Variants in TRIM47 observed in about 807,000 individuals in gnomAD.
TRIM47 encodes E3 ubiquitin-protein ligase TRIM47.
TRIM47 carries 46 observed loss-of-function variants against 54.4 expected under a neutral mutation model. The observed-to-expected ratio is 0.84, with a 90% confidence interval of 0.67 to 1.08. The LOEUF is 1.08. Ranked by LOEUF, TRIM47 falls within the 50% of genes least tolerant of loss-of-function variation. The probability of loss-of-function intolerance (pLI) is 0.00; values close to 1 mark genes in which losing one functional copy is unlikely to be tolerated. For missense variants in TRIM47, 825 were observed against 910.1 expected, an observed-to-expected ratio of 0.91 and a Z score of 1.20; for synonymous variants, 392 against 410.2, an observed-to-expected ratio of 0.96 and a Z score of 0.54.
intron 1 of TRIM47, chr17:75,877,387 C>T: frequency 6.0e-6 from 1 of 167,172 alleles, no homozygotes. Context: ...GAGGTAGAGG[C>T]CGCGGCTCAC....
chr17:75,876,968 C>T, intron 1 of TRIM47, 155 bp from the exon 2 acceptor site: 1 of 699,464 alleles, frequency 1.4e-6, no homozygotes, highest in East Asian at 2.7e-5. Context: ...CATAATATGC[C>T]AGAGGTGCCT....
Position 75,875,317 on chromosome 17 carries a change from T to C in TRIM47, c.1276+83A>G. 1 of 1,483,100 alleles carries C rather than the reference T, an allele frequency of 6.7e-7. No homozygotes were observed. Among genetic ancestry groups the C allele is most frequent in the Non-Finnish European group, 9.4e-7 (1 of 1,064,570 alleles). The allele number at this position is 1,483,100 out of a possible 1,614,324, so 91.9% of individuals were successfully genotyped here. A position where few individuals can be genotyped will look rare whatever the true frequency, so the allele number is the denominator to read the frequency against. On this transcript the variant is annotated intron_variant, in intron 5 of 5. Transcript: ENST00000254816. The surrounding 1 kb of genome is among the most constrained non-coding windows in gnomAD (Gnocchi z 6.1). ...AACTGGGGAGAGGAATCCTAACCCT[T>C]GTGTGCCAGGGCCCTGCTGGGACCA... is the stretch of plus-strand genomic sequence containing the variant.
intron 1 of TRIM47, 104 bp from the exon 2 acceptor site, chr17:75,876,917 G>T: frequency 9.0e-7 from 1 of 1,106,192 alleles, no homozygotes; most frequent in Non-Finnish European, 1.3e-6. Context: ...CTGGGGAGTG[G>T]TATCTGTGCA....
In TRIM47 at chr17:75,875,041, C is replaced by T. The variant is rs747531803; in HGVS notation, c.1359G>A (p.Leu453=). 6.2e-7 allele frequency: 1 copy of T among 1,613,870 alleles called. No homozygotes were observed. The highest frequency in any genetic ancestry group is 1.1e-5 in the South Asian group (1 of 91,078). Reference sequence around the variant, plus strand: ...GCGACAAGGGGTAGTTGATAGGACACAGCACCCTCTTGACACCTTTGGTTC... The same window carrying T: ...GCGACAAGGGGTAGTTGATAGGACATAGCACCCTCTTGACACCTTTGGTTC... ...LFGTKGVKRV[L]CPINYPLSPT... is the part of the protein sequence containing the mutation. Residue 453 remains leucine (L), a synonymous_variant, in exon 6 of 6, where the codon CTG becomes CTA. Coordinates refer to ENST00000254816, the MANE Select transcript of TRIM47 (RefSeq NM_033452.3). The surrounding 1 kb of genome is among the most constrained non-coding windows in gnomAD (Gnocchi z 6.1).
rs1015270154 is a variant in TRIM47, at chr17:75,874,659, G to A, written c.1741C>T (p.Arg581Cys). The A allele has an allele frequency of 3.1e-6, 5 of 1,594,254 alleles. No individual in the cohort carries two copies. The highest frequency in any genetic ancestry group is 1.1e-5 in the South Asian group (1 of 89,554). ...LLRRLKASRP[R>C]RGGIPASPID... ...GGGGAGGCCGGGATGCCACCCCGGCGGGGCCGGGAGGCCTTCAGCCTCCGC... is the reference window on the plus strand; with the variant it reads ...GGGGAGGCCGGGATGCCACCCCGGCAGGGCCGGGAGGCCTTCAGCCTCCGC... Residue 581 changes from arginine (R) to cysteine (C), a missense_variant, in exon 6 of 6, where the codon CGC becomes TGC. By Grantham distance (180) the Arg-to-Cys change is radical. Transcript: ENST00000254816. This position sits in a 1 kb window ranked among gnomAD's most constrained non-coding sequence, Gnocchi z 6.2.
chr17:75,877,422 A>C, intron 1 of TRIM47: 7 of 168,176 alleles, frequency 4.2e-5, no homozygotes, highest in South Asian at 2.0e-4. Context: ...GGCCCCCGGA[A>C]CAGCTGGACA....
chr17:75,876,547 T>A lies in TRIM47; in HGVS notation c.772-55A>T, dbSNP rs2065136356. 5.3e-6 allele frequency: 8 copies of A among 1,519,766 alleles called. No homozygotes were observed. In the South Asian group the frequency reaches 9.9e-5, roughly 19 times the overall value. The allele number at this position is 1,519,766 out of a possible 1,614,324, so 94.1% of individuals were successfully genotyped here. On this transcript the variant is annotated intron_variant, in intron 2 of 5. Coordinates refer to ENST00000254816, the MANE Select transcript of TRIM47 (RefSeq NM_033452.3). The stretch of plus-strand genomic sequence containing the variant: ...GAGGGCAAAGAACCGTCCCGGACTG[T>A]ACCCCCCTCCTTCCCTGACCCCGGC...
In TRIM47 at chr17:75,875,589, G is replaced by C. The variant is rs2065128563; in HGVS notation, c.1202-115C>G. On this transcript the variant is annotated intron_variant, in intron 4 of 5. Coordinates refer to ENST00000254816, the MANE Select transcript of TRIM47 (RefSeq NM_033452.3). The surrounding 1 kb of genome is among the most constrained non-coding windows in gnomAD (Gnocchi z 6.1). ...AGAGTCCAGAGCCACCAGGGAGCAA[G>C]CACCACCCAGATGTGGCACGCTGTG... 1.3e-5 allele frequency: 12 copies of C among 945,334 alleles called. No homozygotes were observed. The highest frequency in any genetic ancestry group is 1.3e-5 in the Non-Finnish European group (8 of 595,784). The allele number at this position is 945,334 out of a possible 1,614,324, so 58.6% of individuals were successfully genotyped here. A position where few individuals can be genotyped will look rare whatever the true frequency, so the allele number is the denominator to read the frequency against.
chr17:75,874,592 C>T lies in TRIM47; in HGVS notation c.1808G>A (p.Gly603Glu). The T allele has an allele frequency of 6.5e-7, 1 of 1,548,104 alleles. No individual in the cohort carries two copies. Among genetic ancestry groups the T allele is most frequent in the Non-Finnish European group, 8.7e-7 (1 of 1,148,436 alleles). The stretch of plus-strand genomic sequence containing the variant: ...AGGCTTGAGTCTGTGGGTGAAGAGC[C>T]CCGCAAAGTGACTGTCCAGGCGGCT... ...FQSRLDSHFAGLFTHRLKPAF... is the reference protein window; with the variant it reads ...FQSRLDSHFAELFTHRLKPAF... The change falls in exon 6 of 6, where the codon GGG becomes GAG. Residue 603 changes from glycine (G) to glutamate (E), a missense_variant. Gly to Glu is a moderately conservative substitution (Grantham distance 98). Transcript: ENST00000254816. This position sits in a 1 kb window ranked among gnomAD's most constrained non-coding sequence, Gnocchi z 6.2.
rs567457667 is a variant in TRIM47 at position 75,878,025 on chromosome 17, C to A, written c.524G>T (p.Arg175Leu). 3.1e-5 allele frequency: 44 copies of A among 1,434,632 alleles called. No homozygotes were observed. In the East Asian group the frequency reaches 1.3e-3, roughly 41 times the overall value. 88.9% of individuals were successfully genotyped at this position (1,434,632 alleles called of 1,614,324 possible). Reference sequence around the variant, plus strand: ...CGGGCACAGGCTCTCCTCTAGCCGGCGCAGCGGCGGCACCAGGCGGTGTCC... The same window carrying A: ...CGGGCACAGGCTCTCCTCTAGCCGGAGCAGCGGCGGCACCAGGCGGTGTCC... ...LRGHRLVPPL[R>L]RLEESLCPRH... Residue 175 changes from arginine (R) to leucine (L), a missense_variant, in exon 1 of 6, where the codon CGC (arginine) becomes CTC (leucine). By Grantham distance (102) the Arg-to-Leu change is moderately radical (BLOSUM62 -2). Coordinates refer to ENST00000254816, the MANE Select transcript of TRIM47 (RefSeq NM_033452.3).
At position 75,874,747 on chromosome 17, in the gene TRIM47, GCAGACCCCAA is replaced by G; in HGVS notation, c.1643_1652del (p.Val548AlafsTer19). 6.2e-7 allele frequency: 1 copy of G among 1,614,040 alleles called. No individual in the cohort carries two copies. Among genetic ancestry groups the G allele is most frequent in the Non-Finnish European group, 8.5e-7 (1 of 1,180,014 alleles). On this transcript the variant is annotated frameshift_variant, in exon 6 of 6. Coordinates refer to ENST00000254816, the MANE Select transcript of TRIM47 (RefSeq NM_033452.3). LOFTEE classifies it high-confidence loss of function. The surrounding 1 kb of genome is among the most constrained non-coding windows in gnomAD (Gnocchi z 6.2). ...CCAAGGCACGGTCAGCGTATTCCAG[GCAGACCCCAA>G]CCGTGGGCGAGAAGGGGTGGGGCAG...
At chr17:75,876,601 G>A in intron 2 of TRIM47, 109 bp from the exon 3 acceptor site, 1 of 1,509,378 alleles carries the variant, frequency 6.6e-7, no homozygotes, top group Non-Finnish European at 9.0e-7. Context: ...AGGGGACAGA[G>A]GGGCCAGACT....
rs2143969658 is a variant in TRIM47, at chr17:75,875,659, T to C, written c.1202-185A>G. On this transcript the variant is annotated intron_variant, in intron 4 of 5. Coordinates refer to ENST00000254816, the MANE Select transcript of TRIM47 (RefSeq NM_033452.3). The surrounding 1 kb of genome is among the most constrained non-coding windows in gnomAD (Gnocchi z 6.1). ...CCTGTGTTCTGCCTCTTGCCCCATG[T>C]GCTTCCCGGGCCACAGCCCTCTGGA... 1 of 716,492 alleles carries C rather than the reference T, an allele frequency of 1.4e-6. No homozygotes were observed. The highest frequency in any genetic ancestry group is 1.7e-5 in the South Asian group (1 of 57,990). 44.4% of individuals were successfully genotyped at this position (716,492 alleles called of 1,614,324 possible). A position where few individuals can be genotyped will look rare whatever the true frequency, so the allele number is the denominator to read the frequency against.
In TRIM47 at chr17:75,874,253, T is replaced by A. The variant is rs1314980182; in HGVS notation, c.*230A>T. 9.7e-6 allele frequency: 4 copies of A among 414,458 alleles called. No homozygotes were observed. The highest frequency in any genetic ancestry group is 1.7e-5 in the Non-Finnish European group (4 of 235,570). The allele number at this position is 414,458 out of a possible 1,614,324, so 25.7% of individuals were successfully genotyped here. Reference sequence around the variant, plus strand: ...AGGAGGGGTTAGGGTAGCTTGGAGCTGTCCCAGCTGTAGCTCTGTCTCCCA... The same window carrying A: ...AGGAGGGGTTAGGGTAGCTTGGAGCAGTCCCAGCTGTAGCTCTGTCTCCCA... On this transcript the variant is annotated 3_prime_UTR_variant, in exon 6 of 6. Coordinates refer to ENST00000254816, the MANE Select transcript of TRIM47 (RefSeq NM_033452.3). The surrounding 1 kb of genome is among the most constrained non-coding windows in gnomAD (Gnocchi z 6.2).
chr17:75,877,977 C>G lies in TRIM47; in HGVS notation c.572G>C (p.Arg191Pro). 1 of 1,463,322 alleles carries G rather than the reference C, an allele frequency of 6.8e-7. No individual in the cohort carries two copies. The highest frequency in any genetic ancestry group is 1.5e-5 in the African/African-American group (1 of 68,092). 90.6% of individuals were successfully genotyped at this position (1,463,322 alleles called of 1,614,324 possible). A position where few individuals can be genotyped will look rare whatever the true frequency, so the allele number is the denominator to read the frequency against. Residue 191 changes from arginine to proline, a missense_variant, in exon 1 of 6, where the codon CGC (arginine) becomes CCC (proline). Arg to Pro is a moderately radical substitution (Grantham distance 103, BLOSUM62 -2). Transcript: ENST00000254816. ...ACACACGCGCTCCGCGCGGCAGTAGCGCTCGAGCGGCCGTAGGTGGCGCGG... is the reference window on the plus strand; with the variant it reads ...ACACACGCGCTCCGCGCGGCAGTAGGGCTCGAGCGGCCGTAGGTGGCGCGG... ...LCPRHLRPLE[R>P]YCRAERVCLC...
At position 75,874,796 on chromosome 17, in the gene TRIM47, C is replaced by T. The variant is rs1191328036; in HGVS notation, c.1604G>A (p.Gly535Glu). 6.2e-7 allele frequency: 1 copy of T among 1,613,992 alleles called. No individual in the cohort carries two copies. The highest frequency in any genetic ancestry group is 8.5e-7 in the Non-Finnish European group (1 of 1,180,012). ...GGGGTGGGGCAGGGGAGCCTCCAGC[C>T]CATGAAACCAGACGGAGAAGCTGCG... is the stretch of plus-strand genomic sequence containing the variant. ...NGRSFSVWFH[G>E]LEAPLPHPFS... Residue 535 changes from glycine to glutamate, a missense_variant, in exon 6 of 6, where the codon GGG (glycine) becomes GAG (glutamate). Transcript: ENST00000254816. The surrounding 1 kb of genome is among the most constrained non-coding windows in gnomAD (Gnocchi z 6.2).
rs754803973 is a variant in TRIM47 at position 75,874,902 on chromosome 17, C to T, written c.1498G>A (p.Glu500Lys). 1.6e-5 allele frequency: 26 copies of T among 1,613,998 alleles called. No individual in the cohort carries two copies. The highest frequency in any genetic ancestry group is 5.0e-5 in the Admixed American group (3 of 60,004). ...TAGGGCTCTTGTGGGGAGAAGTCTT[C>T]GGCCATGACCCCCATGCTGACCCAG... ...EGWVSMGVMAEDFSPQEPYDR... is the reference protein window; with the variant it reads ...EGWVSMGVMAKDFSPQEPYDR... Residue 500 changes from glutamate (E) to lysine (K), a missense_variant, in exon 6 of 6, where the codon GAA becomes AAA. Physicochemically the swap from Glu to Lys is moderately conservative, Grantham distance 56. Coordinates refer to ENST00000254816, the MANE Select transcript of TRIM47 (RefSeq NM_033452.3). This position sits in a 1 kb window ranked among gnomAD's most constrained non-coding sequence, Gnocchi z 6.2.
At position 75,875,351 on chromosome 17, in the gene TRIM47, G is replaced by A. The variant is rs755072102; in HGVS notation, c.1276+49C>T. 5.7e-6 allele frequency: 9 copies of A among 1,590,068 alleles called. No homozygotes were observed. The East Asian group carries it at 2.0e-4, about 36-fold the overall frequency. On this transcript the variant is annotated intron_variant, in intron 5 of 5. Transcript: ENST00000254816. The surrounding 1 kb of genome is among the most constrained non-coding windows in gnomAD (Gnocchi z 6.1). ...GGGCCCTGCTGGGACCAGCCCAGCAGCCCTGGGAGGGCCCAGTGTGAGTGG... is the reference window on the plus strand; with the variant it reads ...GGGCCCTGCTGGGACCAGCCCAGCAACCCTGGGAGGGCCCAGTGTGAGTGG...
rs1212408610 is a variant in TRIM47, at chr17:75,875,226, C to T, written c.1277-103G>A. The T allele has an allele frequency of 7.5e-7, 1 of 1,341,668 alleles. No homozygotes were observed. The highest frequency in any genetic ancestry group is 2.9e-5 in the East Asian group (1 of 34,510). The allele number at this position is 1,341,668 out of a possible 1,614,324, so 83.1% of individuals were successfully genotyped here. A position where few individuals can be genotyped will look rare whatever the true frequency, so the allele number is the denominator to read the frequency against. On this transcript the variant is annotated intron_variant, in intron 5 of 5. Transcript: ENST00000254816. This position sits in a 1 kb window ranked among gnomAD's most constrained non-coding sequence, Gnocchi z 6.1. ...CCCCCAAAACACAGCCTCTCCCCTGCTTTCCAACCGGCACAACCCAGCCCC... is the reference window on the plus strand; with the variant it reads ...CCCCCAAAACACAGCCTCTCCCCTGTTTTCCAACCGGCACAACCCAGCCCC...
Sources: gnomAD v4.1 joint callset for allele counts on GRCh38, gnomAD v4.1.1 for gene constraint, Gnocchi (gnomAD v3.1) non-coding constraint, MANE v1.5 for transcripts, NCBI Gene and HGNC (gene_info 2026-07-23, HGNC 2026-07-21) for gene names.